The following CDH13 variants were observed in gnomAD, a reference collection of about 807,000 sequenced individuals.
The protein encoded by CDH13 is cadherin 13, also known as cadherin-13.
In CDH13, 24 loss-of-function variants were observed where a neutral mutation model predicts 63.8. The ratio of observed to expected loss-of-function variants is 0.38; its 90% CI spans 0.27 to 0.53. The LOEUF (loss-of-function observed/expected upper bound fraction) is 0.53, where lower values mean the gene tolerates loss of function less well. Among genes scored for constraint, CDH13 ranks in the 20% least tolerant of loss-of-function variants. CDH13 has a pLI of 0.85. For missense variants in CDH13, 1,049 were observed against 903.1 expected (o/e 1.16, Z -2.07); for synonymous variants, 503 against 355.3 (o/e 1.42, Z -4.67).
intron 5 of CDH13, among the ~76,000 whole-genome samples, chr16:83,319,125 CT>C (rs1417871471): frequency 1.3e-5 from 2 of 152,124 alleles, no homozygotes; most frequent in East Asian, 3.9e-4. Flanking sequence ...GGGCAAACAT[CT>C]TACAAAGTAA....
At chr16:83,741,187 C>T (rs1912022629) in intron 10 of CDH13, among the ~76,000 whole-genome samples, 1 of 151,680 alleles carries the variant, frequency 6.6e-6, no homozygotes. Context: ...TGAAATATGC[C>T]CTTTACTTTA....
intron 4 of CDH13, among the ~76,000 whole-genome samples, chr16:83,135,957 T>C (rs1449590283): frequency 6.6e-6 from 1 of 152,078 alleles, no homozygotes; most frequent in East Asian, 1.9e-4. Flanking sequence ...CACTGACATG[T>C]GGGAGCTAAG....
At chr16:82,861,785 C>T (rs11640488) in intron 2 of CDH13, among the ~76,000 whole-genome samples, 3,077 of 152,184 alleles carry the variant, frequency 0.02, 51 homozygotes, top group Non-Finnish European at 0.035. Context: ...GTCTTAAAAA[C>T]GCCATTTTTC....
chr16:82,766,027 A>G (rs2035042594), intron 1 of CDH13, among the ~76,000 whole-genome samples: 1 of 152,168 alleles, frequency 6.6e-6, no homozygotes, highest in East Asian at 1.9e-4. Context: ...AACTCTTTAT[A>G]TTCTGGAGAG....
intron 3 of CDH13, among the ~76,000 whole-genome samples, chr16:83,083,778 T>C (rs7192553): frequency 0.46 from 69,936 of 152,016 alleles, 16,290 homozygotes; most frequent in East Asian, 0.51. Context: ...TCACTAGTTG[T>C]TTAACATACC....
chr16:83,126,198 G>A (rs1245312834), intron 4 of CDH13, among the ~76,000 whole-genome samples: 2 of 152,174 alleles, frequency 1.3e-5, no homozygotes, highest in African/African-American at 4.8e-5. Context: ...TCTCAGCAAG[G>A]CAATTTACTT....
intron 4 of CDH13, among the ~76,000 whole-genome samples, chr16:83,131,957 A>T (rs2036073820): frequency 6.6e-6 from 1 of 152,212 alleles, no homozygotes; most frequent in Non-Finnish European, 1.5e-5. Flanking sequence ...CGTAAGTCAG[A>T]CATGACGGTA....
chr16:83,066,497 C>G (rs1345212889), intron 3 of CDH13, among the ~76,000 whole-genome samples: 1 of 152,148 alleles, frequency 6.6e-6, no homozygotes. Context: ...GAAGAACTGC[C>G]TCTTAGGGCT....
At chr16:83,039,044 G>A (rs1271975727) in intron 3 of CDH13, among the ~76,000 whole-genome samples, 4 of 152,202 alleles carry the variant, frequency 2.6e-5, no homozygotes. Flanking sequence ...ACTAAACAGT[G>A]GTAGAATTTA....
At chr16:83,175,008 G>A (rs1004884071) in intron 4 of CDH13, among the ~76,000 whole-genome samples, 10 of 152,070 alleles carry the variant, frequency 6.6e-5, no homozygotes, top group African/African-American at 2.4e-4. Context: ...TTTGAGGTGA[G>A]ATTTGGGTGG....
At chr16:82,721,800 A>G (rs1358309658) in intron 1 of CDH13, among the ~76,000 whole-genome samples, 1 of 152,198 alleles carries the variant, frequency 6.6e-6, no homozygotes, top group Non-Finnish European at 1.5e-5. Flanking sequence ...TTTTGGGGTC[A>G]GTCTGGTCAC....
intron 1 of CDH13, among the ~76,000 whole-genome samples, chr16:82,734,580 G>T (rs1363491196): frequency 6.6e-6 from 1 of 152,134 alleles, no homozygotes; most frequent in Non-Finnish European, 1.5e-5. Context: ...ACTGTCTTAG[G>T]TTGAAGAAGC....
chr16:83,646,009 C>T (rs1911756241), intron 8 of CDH13, among the ~76,000 whole-genome samples: 1 of 152,206 alleles, frequency 6.6e-6, no homozygotes, highest in African/African-American at 2.4e-5. Context: ...GTTTGCTCCA[C>T]ATCCAGCCTC....
intron 1 of CDH13, among the ~76,000 whole-genome samples, chr16:82,693,104 G>C (rs935251110): frequency 6.6e-6 from 1 of 152,156 alleles, no homozygotes; most frequent in African/African-American, 2.4e-5. Flanking sequence ...GAAACTAGGA[G>C]TCTCAGTATA....
At chr16:82,875,649 G>A (rs1326728174) in intron 2 of CDH13, among the ~76,000 whole-genome samples, 2 of 152,144 alleles carry the variant, frequency 1.3e-5, no homozygotes, top group Non-Finnish European at 2.9e-5. Context: ...TTTAAAACAT[G>A]ACTCACATTC....
intron 4 of CDH13, among the ~76,000 whole-genome samples, chr16:83,188,893 C>A (rs1295434263): frequency 1.3e-5 from 2 of 152,188 alleles, no homozygotes; most frequent in East Asian, 1.9e-4. Context: ...ACATCACTGA[C>A]AAAGATATTG....
chr16:83,478,527 A>C (rs2073671514), intron 6 of CDH13, among the ~76,000 whole-genome samples: 1 of 152,188 alleles, frequency 6.6e-6, no homozygotes, highest in East Asian at 1.9e-4. Context: ...GGACCACCAT[A>C]TGAAAATGTG....
intron 2 of CDH13, among the ~76,000 whole-genome samples, chr16:82,985,791 T>C (rs1251987837): frequency 6.6e-6 from 1 of 152,180 alleles, no homozygotes; most frequent in East Asian, 1.9e-4. Context: ...TTCTCCTAAA[T>C]GGTTTACTAC....
At chr16:82,995,590 G>A (rs1912118590) in intron 2 of CDH13, among the ~76,000 whole-genome samples, 1 of 151,908 alleles carries the variant, frequency 6.6e-6, no homozygotes, top group South Asian at 2.1e-4. Flanking sequence ...CTTAAATAAG[G>A]GAGAAAAAAA....
Sources: allele counts gnomAD v4.1 joint callset (sites outside exome capture counted in the v4.1 genomes callset), GRCh38; gene constraint gnomAD v4.1.1; transcripts MANE v1.5; gene names NCBI Gene and HGNC (gene_info 2026-07-23, HGNC 2026-07-21).